CSMD3: variants seen among roughly 807,000 people sequenced by gnomAD.
CSMD3 encodes the protein CUB and sushi domain-containing protein 3.
A neutral mutation model predicts 435.2 loss-of-function variants in CSMD3; 177 were observed. The observed-to-expected ratio is 0.41, with a 90% confidence interval of 0.36 to 0.46. The LOEUF (loss-of-function observed/expected upper bound fraction) is 0.46. Ranked by LOEUF, CSMD3 falls within the 20% of genes least tolerant of loss-of-function variation. The pLI is 0.34. For missense variants in CSMD3, 4,265 were observed against 4,504.6 expected (o/e 0.95, Z 1.52); for synonymous variants, 1,656 against 1,520.5 (o/e 1.09, Z -2.07).
In CSMD3 at chr8:112,685,628, C is replaced by T. The variant is rs2131804998; in HGVS notation, c.2260G>A (p.Asp754Asn). ...GAAAGATGTATCCGGCTCCCTGGATCAGAGATTATCGTCCAGATGCAATTT... is the reference window on the plus strand; with the variant it reads ...GAAAGATGTATCCGGCTCCCTGGATTAGAGATTATCGTCCAGATGCAATTT... Reference protein sequence around the residue: ...NLNCIWTIISDPGSRIHLSFN... With the variant: ...NLNCIWTIISNPGSRIHLSFN... The change falls in exon 15 of 71, where the codon GAT becomes AAT. Residue 754 changes from aspartate (D) to asparagine (N), a missense_variant. By Grantham distance (23) the Asp-to-Asn change is conservative. Coordinates refer to ENST00000297405, the MANE Select transcript of CSMD3 (RefSeq NM_198123.2). 6.2e-7 allele frequency: 1 copy of T among 1,613,432 alleles called. No individual in the cohort carries two copies. Among genetic ancestry groups the T allele is most frequent in the South Asian group, 1.1e-5 (1 of 91,050 alleles).
chr8:112,797,231 T>C (rs2078850633), intron 13 of CSMD3, among the ~76,000 whole-genome samples: 1 of 151,916 alleles, frequency 6.6e-6, no homozygotes, highest in Non-Finnish European at 1.5e-5. Context: ...CTATATGTTT[T>C]GGAGTCCTAA....
chr8:112,854,637 G>A (rs1454908749), intron 11 of CSMD3, among the ~76,000 whole-genome samples: 3 of 152,160 alleles, frequency 2.0e-5, no homozygotes, highest in African/African-American at 4.8e-5. Flanking sequence ...GACTCACAAA[G>A]TTTCTTATGT....
intron 3 of CSMD3, among the ~76,000 whole-genome samples, chr8:113,260,504 G>A (rs1457654214): frequency 1.3e-5 from 2 of 152,060 alleles, no homozygotes; most frequent in African/African-American, 2.4e-5. Context: ...TGAAACTCTG[G>A]CTATTTCTAT....
chr8:112,655,984 A>G (rs2075247883), intron 18 of CSMD3, among the ~76,000 whole-genome samples, 170 bp downstream of exon 18: 2 of 152,112 alleles, frequency 1.3e-5, no homozygotes, highest in South Asian at 4.1e-4. Context: ...TGGAAAATCT[A>G]TTGCAGAATT....
chr8:112,692,627 T>C (rs1482768743), intron 13 of CSMD3, among the ~76,000 whole-genome samples: 1 of 152,206 alleles, frequency 6.6e-6, no homozygotes, highest in Non-Finnish European at 1.5e-5. Context: ...TGAATCAAAT[T>C]CATTTCACAT....
intron 22 of CSMD3, among the ~76,000 whole-genome samples, chr8:112,594,283 C>G (rs1387259442): frequency 6.6e-6 from 1 of 152,160 alleles, no homozygotes. Context: ...TCGGGTCACT[C>G]CCACTCGAAT....
At chr8:113,377,211 C>T (rs1022859272) in intron 1 of CSMD3, 2 of 1,048,658 alleles carry the variant, frequency 1.9e-6, no homozygotes, top group South Asian at 2.2e-5. Context: ...TTCGAGCGCG[C>T]GAGAGACCGA....
chr8:112,266,590 G>A (rs1293745227), intron 59 of CSMD3, among the ~76,000 whole-genome samples: 1 of 152,186 alleles, frequency 6.6e-6, no homozygotes, highest in African/African-American at 2.4e-5. Flanking sequence ...TTCTGAGCAT[G>A]AGATCCTATG....
chr8:112,469,426 A>G (rs1250117054), intron 32 of CSMD3, among the ~76,000 whole-genome samples: 1 of 152,164 alleles, frequency 6.6e-6, no homozygotes, highest in Non-Finnish European at 1.5e-5. Flanking sequence ...ACCCCTATGT[A>G]AAATGCAATC....
At chr8:113,060,445 G>A (rs1351830874) in intron 5 of CSMD3, among the ~76,000 whole-genome samples, 1 of 151,664 alleles carries the variant, frequency 6.6e-6, no homozygotes, top group African/African-American at 2.4e-5. Context: ...AATAGTGTAG[G>A]GCCTTGTTTT....
intron 27 of CSMD3, among the ~76,000 whole-genome samples, chr8:112,548,606 T>A (rs1217827380): frequency 6.6e-6 from 1 of 152,164 alleles, no homozygotes. Flanking sequence ...ATATCTTATA[T>A]GGCTTTTGTG....
intron 22 of CSMD3, among the ~76,000 whole-genome samples, chr8:112,615,364 A>G (rs1394104781): frequency 6.6e-6 from 1 of 152,072 alleles, no homozygotes; most frequent in Non-Finnish European, 1.5e-5. Context: ...TAGTTATAGA[A>G]CCTAAACACA....
intron 22 of CSMD3, among the ~76,000 whole-genome samples, chr8:112,590,137 G>C (rs1831059305): frequency 2.0e-5 from 3 of 152,106 alleles, no homozygotes; most frequent in Non-Finnish European, 4.4e-5. Context: ...TAAATTTATA[G>C]GTTGATTCCA....
chr8:112,372,836 G>A (rs1289544669), intron 38 of CSMD3, among the ~76,000 whole-genome samples: 2 of 151,156 alleles, frequency 1.3e-5, no homozygotes, highest in African/African-American at 2.4e-5. Context: ...GTGACAGAGC[G>A]AGACTATGTC....
At chr8:112,833,157 T>C (rs894762354) in intron 11 of CSMD3, among the ~76,000 whole-genome samples, 2 of 152,112 alleles carry the variant, frequency 1.3e-5, no homozygotes, top group African/African-American at 4.8e-5. Context: ...GGACCATTTG[T>C]CTTTCACATA....
intron 45 of CSMD3, among the ~76,000 whole-genome samples, chr8:112,329,647 CT>C (rs1206383384): frequency 6.6e-6 from 1 of 152,064 alleles, no homozygotes; most frequent in Non-Finnish European, 1.5e-5. Flanking sequence ...ATAAATCTAA[CT>C]TTGTTTAACA....
intron 3 of CSMD3, among the ~76,000 whole-genome samples, chr8:113,265,804 TGTTTC>T (rs1324791060): frequency 6.6e-6 from 1 of 151,156 alleles, no homozygotes; most frequent in Non-Finnish European, 1.5e-5. Flanking sequence ...TGGATTAGGG[TGTTTC>T]CATGACTAAC....
intron 2 of CSMD3, among the ~76,000 whole-genome samples, chr8:113,288,779 C>A (rs377109945): frequency 1.3e-5 from 2 of 151,664 alleles, no homozygotes; most frequent in East Asian, 3.9e-4. Context: ...AAAATTCATT[C>A]TGCTGCTTAT....
chr8:112,509,220 A>G (rs1167696742), intron 28 of CSMD3, among the ~76,000 whole-genome samples: 3 of 151,776 alleles, frequency 2.0e-5, no homozygotes, highest in African/African-American at 7.3e-5. Flanking sequence ...CTCCCCAGTA[A>G]CTGGGACTAC....
Sources: allele counts gnomAD v4.1 joint callset (sites outside exome capture counted in the v4.1 genomes callset), GRCh38; gene constraint gnomAD v4.1.1; transcripts MANE v1.5; gene names NCBI Gene and HGNC (gene_info 2026-07-23, HGNC 2026-07-21).